Variants in ESRRB observed in about 807,000 individuals in gnomAD.
ESRRB encodes the protein estrogen related receptor beta, also known as steroid hormone receptor ERR2.
In ESRRB, 16 loss-of-function variants were observed where a neutral mutation model predicts 46.0. The ratio of observed to expected loss-of-function variants is 0.35; its 90% CI spans 0.24 to 0.53. The LOEUF (loss-of-function observed/expected upper bound fraction) is 0.53, where lower values mean the gene tolerates loss of function less well. ESRRB is among the 20% of genes least tolerant of loss of function. The probability of loss-of-function intolerance (pLI) is 0.93; values close to 1 mark genes in which losing one functional copy is unlikely to be tolerated. For missense variants in ESRRB, 488 were observed against 607.4 expected (o/e 0.80, Z 2.07); for synonymous variants, 246 against 259.6 (o/e 0.95, Z 0.50).
upstream of ESRRB, chr14:76,376,119 G>A: frequency 3.3e-6 from 1 of 304,894 alleles, no homozygotes. The surrounding 1 kb of genome is among the most constrained non-coding windows in gnomAD (Gnocchi z 4.1). Flanking sequence ...TAAAGCTACA[G>A]TAGGGTTAGT....
chr14:76,326,579 C>T (rs1023480104), intron 1 of ESRRB, among the ~76,000 whole-genome samples: 11 of 152,250 alleles, frequency 7.2e-5, no homozygotes, highest in Admixed American at 2.0e-4. Context: ...GTGTTGCTGG[C>T]GTTTGTGGAC....
intron 1 of ESRRB, among the ~76,000 whole-genome samples, chr14:76,346,952 AC>A (rs1884258069): frequency 6.6e-6 from 1 of 151,810 alleles, no homozygotes; most frequent in African/African-American, 2.4e-5. Flanking sequence ...GAATAACATC[AC>A]CCCCAACACA....
intron 2 of ESRRB, among the ~76,000 whole-genome samples, chr14:76,445,221 G>T (rs1394418230): frequency 6.7e-6 from 1 of 149,364 alleles, no homozygotes; most frequent in Non-Finnish European, 1.5e-5. Context: ...TGTAATCCCA[G>T]CACTTTGGGA....
intron 2 of ESRRB, among the ~76,000 whole-genome samples, chr14:76,453,647 A>C (rs1888488449): frequency 6.9e-6 from 1 of 145,958 alleles, no homozygotes; most frequent in Non-Finnish European, 1.5e-5. Flanking sequence ...ACCCAGGCTG[A>C]AGTGCAGTGG....
intron 1 of ESRRB, among the ~76,000 whole-genome samples, chr14:76,398,249 T>C (rs1193882794): frequency 6.6e-6 from 1 of 152,158 alleles, no homozygotes; most frequent in Non-Finnish European, 1.5e-5. Flanking sequence ...ATATTCCAGA[T>C]GAGGAAATAG....
At chr14:76,425,392 A>G (rs1887152821) in intron 1 of ESRRB, among the ~76,000 whole-genome samples, 1 of 152,244 alleles carries the variant, frequency 6.6e-6, no homozygotes, top group Admixed American at 6.5e-5. Flanking sequence ...GCAGGTAGCC[A>G]CATGGCTGGG....
chr14:76,367,822 G>T (rs1884541627), upstream of ESRRB, among the ~76,000 whole-genome samples: 1 of 152,142 alleles, frequency 6.6e-6, no homozygotes, highest in African/African-American at 2.4e-5. Context: ...CCTTCCATGG[G>T]CAGGGACAAC....
At chr14:76,316,240 C>T (rs529442488) in intron 1 of ESRRB, among the ~76,000 whole-genome samples, 8 of 152,224 alleles carry the variant, frequency 5.3e-5, no homozygotes, top group Non-Finnish European at 1.0e-4. Context: ...ACCCTCAGTA[C>T]TCCTTGTTCC....
intron 1 of ESRRB, among the ~76,000 whole-genome samples, chr14:76,390,437 C>T (rs1403161337): frequency 2.0e-5 from 3 of 151,984 alleles, no homozygotes; most frequent in Non-Finnish European, 4.4e-5. Flanking sequence ...TGCAATGAGC[C>T]AAGATTGCGC....
At chr14:76,363,140 A>T (rs138849498) in intron 1 of ESRRB, among the ~76,000 whole-genome samples, 1 of 152,210 alleles carries the variant, frequency 6.6e-6, no homozygotes, top group Non-Finnish European at 1.5e-5. Flanking sequence ...GGAATTGTGC[A>T]TTGGTTGATG....
intron 2 of ESRRB, among the ~76,000 whole-genome samples, chr14:76,458,840 C>CT (rs58084859): frequency 0.019 from 2,409 of 126,236 alleles, 47 homozygotes; most frequent in African/African-American, 0.026. Context: ...TCACCCTCTC[C>CT]TTTTTTTTTT....
At chr14:76,355,817 C>G (rs1884372436) in intron 1 of ESRRB, among the ~76,000 whole-genome samples, 3 of 152,186 alleles carry the variant, frequency 2.0e-5, no homozygotes. Context: ...TCCTCATCAA[C>G]ACTTTCCTGC....
chr14:76,438,645 C>T (rs1489124239), intron 1 of ESRRB, among the ~76,000 whole-genome samples: 8 of 149,610 alleles, frequency 5.3e-5, no homozygotes, highest in East Asian at 4.0e-4. Context: ...GCCTAGGCGA[C>T]GGAGCGAGAC....
chr14:76,373,148 C>T (rs969958214), upstream of ESRRB, among the ~76,000 whole-genome samples: 2 of 152,180 alleles, frequency 1.3e-5, no homozygotes, highest in African/African-American at 2.4e-5. Context: ...AGCTTTTGTC[C>T]ACTTTCCTTT....
intron 1 of ESRRB, among the ~76,000 whole-genome samples, chr14:76,432,677 T>C (rs1281548868): frequency 1.4e-4 from 18 of 124,576 alleles, no homozygotes; most frequent in Non-Finnish European, 2.8e-4. Context: ...CTCTCTTTTT[T>C]TTTTTTTTTT....
intron 1 of ESRRB, among the ~76,000 whole-genome samples, chr14:76,420,366 C>T (rs1489414221): frequency 6.6e-6 from 1 of 152,190 alleles, no homozygotes; most frequent in African/African-American, 2.4e-5. Flanking sequence ...AGCTTCAGAG[C>T]AGACACCATA....
chr14:76,409,494 T>A (rs1886341526), intron 1 of ESRRB, among the ~76,000 whole-genome samples: 1 of 151,850 alleles, frequency 6.6e-6, no homozygotes, highest in Non-Finnish European at 1.5e-5. Context: ...GTATGTACAT[T>A]TTATCTCTGC....
At chr14:76,455,259 C>T (rs890641114) in intron 2 of ESRRB, among the ~76,000 whole-genome samples, 1 of 152,082 alleles carries the variant, frequency 6.6e-6, no homozygotes, top group Admixed American at 6.5e-5. Context: ...GGATCACAGT[C>T]ACTGGCCCTA....
In ESRRB at chr14:76,385,225, A is replaced by C. The variant is rs541201596; in HGVS notation, c.50+8774A>C. ...TTCTTTTCCTCAGGAAAAAAAAAAA[A>C]AAACAACCAAACCTCAAAGCTTTGG... On this transcript the variant is annotated intron_variant, in intron 1 of 6. Transcript: ENST00000644823. 4.0e-5 allele frequency among the ~76,000 whole-genome samples: 6 copies of C among 151,744 alleles called. No homozygotes were observed. The East Asian group carries it at 7.7e-4, about 20-fold the overall frequency.
Sources: gnomAD v4.1 joint callset for allele counts (sites outside exome capture counted in the v4.1 genomes callset) on GRCh38, gnomAD v4.1.1 for gene constraint, Gnocchi (gnomAD v3.1) non-coding constraint, MANE v1.5 for transcripts, NCBI Gene and HGNC (gene_info 2026-07-23, HGNC 2026-07-21) for gene names.